Variants in DACH1 observed in about 807,000 individuals in gnomAD.
DACH1 encodes dachshund family transcription factor 1, also known as dachshund homolog 1.
In DACH1, 12 loss-of-function variants were observed where a neutral mutation model predicts 54.2. The observed-to-expected ratio is 0.22, with a 90% CI of 0.14 to 0.36. DACH1 has a LOEUF of 0.36. Ranked by LOEUF, DACH1 falls within the 10% of genes least tolerant of loss-of-function variation. The probability of loss-of-function intolerance (pLI) is 1.00; values close to 1 mark genes in which losing one functional copy is unlikely to be tolerated. For missense variants in DACH1, 805 were observed against 929.8 expected, an observed-to-expected ratio of 0.87 and a Z score of 1.75; for synonymous variants, 386 against 366.2, an observed-to-expected ratio of 1.05 and a Z score of -0.62.
At chr13:71,572,502 T>C (rs1885273598) in intron 4 of DACH1, among the ~76,000 whole-genome samples, 1 of 152,160 alleles carries the variant, frequency 6.6e-6, no homozygotes, top group South Asian at 2.1e-4. Context: ...GCAAAACTTA[T>C]CCCTTCTGGT....
intron 1 of DACH1, among the ~76,000 whole-genome samples, chr13:71,857,876 G>T (rs2138281931): frequency 6.6e-6 from 1 of 151,732 alleles, no homozygotes; most frequent in South Asian, 2.1e-4. Context: ...TGGGTTCAAA[G>T]ATTTGTTACA....
intron 1 of DACH1, among the ~76,000 whole-genome samples, chr13:71,805,219 T>C (rs186032464): frequency 6.6e-6 from 1 of 152,254 alleles, no homozygotes; most frequent in Admixed American, 6.5e-5. Context: ...ACAATTATCA[T>C]CAAAGTACCA....
chr13:71,714,661 T>G (rs906029395), intron 1 of DACH1, among the ~76,000 whole-genome samples: 1 of 152,072 alleles, frequency 6.6e-6, no homozygotes, highest in Admixed American at 6.6e-5. Context: ...ATTAATATTT[T>G]TATCCCGTTC....
intron 2 of DACH1, among the ~76,000 whole-genome samples, chr13:71,678,573 C>G (rs1050953936): frequency 6.6e-5 from 10 of 152,144 alleles, no homozygotes; most frequent in Admixed American, 2.0e-4. Flanking sequence ...CTACAGGGCA[C>G]TAAACTAACT....
intron 10 of DACH1, among the ~76,000 whole-genome samples, chr13:71,444,842 C>T (rs1016576173): frequency 6.6e-6 from 1 of 152,054 alleles, no homozygotes; most frequent in Non-Finnish European, 1.5e-5. Flanking sequence ...GGTTTAGTGG[C>T]CTGTCTATTC....
At chr13:71,751,889 G>C (rs1566478964) in intron 1 of DACH1, among the ~76,000 whole-genome samples, 1 of 151,898 alleles carries the variant, frequency 6.6e-6, no homozygotes, top group Non-Finnish European at 1.5e-5. Context: ...TTACTGCTTT[G>C]CTACTTATTT....
chr13:71,480,682 C>T (rs1167088768), intron 7 of DACH1, among the ~76,000 whole-genome samples: 4 of 152,122 alleles, frequency 2.6e-5, no homozygotes, highest in Non-Finnish European at 5.9e-5. Context: ...TGTAGATGTA[C>T]TCTAGGATGT....
chr13:71,855,283 C>T (rs1215517954), intron 1 of DACH1, among the ~76,000 whole-genome samples: 6 of 151,992 alleles, frequency 3.9e-5, no homozygotes, highest in Middle Eastern at 3.4e-3. Context: ...TTTCAAAACC[C>T]GATGATGGAA....
At chr13:71,559,239 A>G (rs1312630164) in intron 5 of DACH1, among the ~76,000 whole-genome samples, 13 of 152,170 alleles carry the variant, frequency 8.5e-5, no homozygotes. Flanking sequence ...AAATTTTAAA[A>G]ATAACAATAT....
At chr13:71,840,900 A>T (rs1872795375) in intron 1 of DACH1, among the ~76,000 whole-genome samples, 1 of 152,172 alleles carries the variant, frequency 6.6e-6, no homozygotes, top group Non-Finnish European at 1.5e-5. Context: ...TCTTACAAAC[A>T]TTAAAGAACA....
At chr13:71,498,652 A>G (rs1879645329) in intron 6 of DACH1, among the ~76,000 whole-genome samples, 2 of 19,814 alleles carry the variant, frequency 1.0e-4, no homozygotes, top group Non-Finnish European at 1.2e-3. Flanking sequence ...TGAAAGGGGA[A>G]AGAAGAAAAA....
intron 3 of DACH1, among the ~76,000 whole-genome samples, chr13:71,575,098 ATCTGTGGGATTTGAT>A (rs958151715): frequency 1.3e-4 from 20 of 151,934 alleles, no homozygotes; most frequent in Non-Finnish European, 2.8e-4. Context: ...AATTCACAAA[ATCTGTGGGATTTGAT>A]TTGGTCAAAT....
intron 1 of DACH1, among the ~76,000 whole-genome samples, chr13:71,801,837 A>G (rs1323960418): frequency 1.3e-5 from 2 of 151,402 alleles, no homozygotes; most frequent in Admixed American, 6.6e-5. Context: ...TATCTTGCCC[A>G]GTACTGAAAA....
intron 10 of DACH1, among the ~76,000 whole-genome samples, chr13:71,458,203 AC>A (rs1289194595): frequency 6.6e-6 from 1 of 151,938 alleles, no homozygotes; most frequent in Non-Finnish European, 1.5e-5. Context: ...TTTAAAAAAA[AC>A]AGCAGAGGCC....
chr13:71,742,204 GA>G (rs1330444569), intron 1 of DACH1, among the ~76,000 whole-genome samples: 33 of 152,212 alleles, frequency 2.2e-4, no homozygotes, highest in Non-Finnish European at 3.7e-4. Flanking sequence ...CAGGTATGTG[GA>G]ACTGTAAGTC....
At position 71,625,176 on chromosome 13, in the gene DACH1, G is replaced by A. The variant is rs566258758; in HGVS notation, c.1126+5380C>T. Among the ~76,000 whole-genome samples the A allele has an allele frequency of 8.6e-5, 13 of 151,846 alleles. 1 individual carries two copies. In the South Asian group the frequency reaches 1.0e-3, roughly 12 times the overall value. ...GACACTCTTAAATTCCCTGTCAATC[G>A]TTTCATTATAGCAGCATCATCTGTT... On this transcript the variant is annotated intron_variant, in intron 3 of 10. Coordinates refer to ENST00000613252, the MANE Select transcript of DACH1 (RefSeq NM_080759.6).
intron 6 of DACH1, among the ~76,000 whole-genome samples, chr13:71,532,316 A>C (rs1350038078): frequency 6.6e-6 from 1 of 151,962 alleles, no homozygotes; most frequent in African/African-American, 2.4e-5. Context: ...ATTTAGTTGA[A>C]TTTCAGAAAT....
intron 3 of DACH1, among the ~76,000 whole-genome samples, chr13:71,609,698 T>C (rs572390877): frequency 3.9e-5 from 6 of 152,192 alleles, no homozygotes; most frequent in Non-Finnish European, 7.4e-5. Flanking sequence ...GCTAACTTTG[T>C]ATATTTTTAG....
Position 71,475,782 on chromosome 13 carries a change from A to G in DACH1, c.1938T>C (p.Phe646=). The G allele has an allele frequency of 6.2e-7, 1 of 1,613,690 alleles. No homozygotes were observed. Among genetic ancestry groups the G allele is most frequent in the Non-Finnish European group, 8.5e-7 (1 of 1,179,898 alleles). Residue 646 remains phenylalanine (F), a synonymous_variant, in exon 9 of 11, where the codon TTT becomes TTC. Coordinates refer to ENST00000613252, the MANE Select transcript of DACH1 (RefSeq NM_080759.6). ...AKRKLQEALE[F]ETKRREQAEQ... ...CTGCTTGTTCACGCCGTTTCGTCTC[A>G]AACTCAAGTGCTTCCTGCAATTTTC...
Sources: gnomAD v4.1 joint callset for allele counts (sites outside exome capture counted in the v4.1 genomes callset) on GRCh38, gnomAD v4.1.1 for gene constraint, MANE v1.5 for transcripts, NCBI Gene and HGNC (gene_info 2026-07-23, HGNC 2026-07-21) for gene names.